Variants in COA1 observed in about 807,000 individuals in gnomAD.
COA1 encodes the protein cytochrome c oxidase assembly factor 1.
Under a neutral mutation model 16.0 loss-of-function variants are expected in COA1, and 13 were observed. That is an observed-to-expected ratio of 0.81 (90% CI 0.53 to 1.29). The LOEUF (loss-of-function observed/expected upper bound fraction) is 1.29, where lower values mean the gene tolerates loss of function less well. COA1 is among the 50% of genes most tolerant of loss of function. COA1 has a pLI of 0.00. For synonymous variants in COA1, 65 were observed against 65.7 expected (o/e 0.99, Z 0.05); for missense variants, 179 against 177.0 (o/e 1.01, Z -0.06).
chr7:43,630,154 G>A (rs1451910441), intron 6 of COA1, among the ~76,000 whole-genome samples: 1 of 152,040 alleles, frequency 6.6e-6, no homozygotes, highest in Non-Finnish European at 1.5e-5. Context: ...TTAGTATCTG[G>A]CCCTTTACAG....
At chr7:43,702,336 T>G (rs1167839297) in intron 1 of COA1, among the ~76,000 whole-genome samples, 7 of 152,174 alleles carry the variant, frequency 4.6e-5, no homozygotes, top group Non-Finnish European at 8.8e-5. Flanking sequence ...TCCAGCACTA[T>G]CTATTGAATA....
chr7:43,667,198 C>T (rs1584717760), intron 1 of COA1, among the ~76,000 whole-genome samples: 1 of 152,296 alleles, frequency 6.6e-6, no homozygotes, highest in Non-Finnish European at 1.5e-5. Context: ...TATTTCATAA[C>T]ATCAAATGTT....
At position 43,640,667 on chromosome 7, in the gene COA1, C is replaced by T. The variant is rs767175621; in HGVS notation, c.265-18G>A. The T allele has an allele frequency of 2.6e-6, 4 of 1,542,654 alleles. No individual in the cohort carries two copies. The South Asian group carries it at 4.6e-5, about 18-fold the overall frequency. On this transcript the variant is annotated intron_variant, in intron 4 of 5. Transcript: ENST00000223336. ...ATCTTCAACTGTGGGTGTAAAATGA[C>T]AGAAAGGAGAGATGTAATTGGATAA... is the stretch of plus-strand genomic sequence containing the variant.
intron 6 of COA1, among the ~76,000 whole-genome samples, chr7:43,616,679 C>T (rs1350120537): frequency 3.3e-5 from 5 of 152,094 alleles, no homozygotes; most frequent in Non-Finnish European, 7.4e-5. Flanking sequence ...GGGCGGATCA[C>T]GAGGTCAGGA....
chr7:43,625,352 GATA>G (rs971097049), intron 6 of COA1: 5 of 152,322 alleles, frequency 3.3e-5, no homozygotes, highest in African/African-American at 1.2e-4. Context: ...ACTAAAGTTT[GATA>G]ATGTCTTTTT....
At chr7:43,728,619 C>T (rs977021968) in intron 1 of COA1, among the ~76,000 whole-genome samples, 23 of 152,054 alleles carry the variant, frequency 1.5e-4, no homozygotes, top group Admixed American at 1.4e-3. Context: ...TGAAGTTAGG[C>T]TAAGAAATGT....
intron 6 of COA1, among the ~76,000 whole-genome samples, chr7:43,609,999 AG>A (rs1466656148): frequency 6.6e-6 from 1 of 152,226 alleles, no homozygotes; most frequent in African/African-American, 2.4e-5. Context: ...TTTCTGATTC[AG>A]GGTAGGGCAA....
chr7:43,650,687 C>G (rs929740909), intron 1 of COA1: 1 of 152,046 alleles, frequency 6.6e-6, no homozygotes, highest in Non-Finnish European at 1.5e-5. Flanking sequence ...CAGAGATTCT[C>G]TCGAGTGACT....
At chr7:43,691,337 G>A (rs1309490803) in intron 1 of COA1, among the ~76,000 whole-genome samples, 54 of 32,990 alleles carry the variant, frequency 1.6e-3, no homozygotes, top group African/African-American at 2.9e-3. Flanking sequence ...AAGAGAAAGA[G>A]AGAGAGGGAG....
chr7:43,644,731 T>C (rs1383487785), intron 4 of COA1, among the ~76,000 whole-genome samples: 5 of 28,220 alleles, frequency 1.8e-4, no homozygotes, highest in South Asian at 1.8e-3. Flanking sequence ...GATAGATAGA[T>C]AGATAGATAG....
At chr7:43,612,568 A>AT (rs1363758066) in intron 6 of COA1, among the ~76,000 whole-genome samples, 4 of 152,230 alleles carry the variant, frequency 2.6e-5, no homozygotes, top group Admixed American at 1.3e-4. Context: ...ATGTATGGTA[A>AT]TTTTGAATTA....
chr7:43,621,739 AG>A (rs2083912677), intron 6 of COA1, among the ~76,000 whole-genome samples: 1 of 152,210 alleles, frequency 6.6e-6, no homozygotes, highest in Non-Finnish European at 1.5e-5. Context: ...TTTTCTATCA[AG>A]AGCCTTTCCC....
chr7:43,676,072 A>G (rs2093503449), intron 1 of COA1, among the ~76,000 whole-genome samples: 1 of 152,174 alleles, frequency 6.6e-6, no homozygotes, highest in Non-Finnish European at 1.5e-5. Context: ...TAATAAAGAA[A>G]TCTCGTAAAA....
intron 1 of COA1, among the ~76,000 whole-genome samples, chr7:43,725,029 G>A (rs1473513014): frequency 4.6e-5 from 7 of 152,180 alleles, no homozygotes; most frequent in African/African-American, 1.4e-4. Context: ...ACCTGAGGTC[G>A]AGAGTTCAAG....
chr7:43,653,792 A>AT (rs1163892518), intron 1 of COA1, among the ~76,000 whole-genome samples: 1 of 152,238 alleles, frequency 6.6e-6, no homozygotes, highest in East Asian at 1.9e-4. Flanking sequence ...TACTCATCCC[A>AT]TGAAGACCAA....
At chr7:43,644,639 G>T (rs867963584) in intron 4 of COA1, among the ~76,000 whole-genome samples, 2 of 151,578 alleles carry the variant, frequency 1.3e-5, no homozygotes, top group African/African-American at 4.9e-5. Flanking sequence ...CGATCCTCCT[G>T]CTTCAGCCTC....
chr7:43,621,290 AAGTT>A, intron 6 of COA1, among the ~76,000 whole-genome samples: 1 of 152,318 alleles, frequency 6.6e-6, no homozygotes, highest in South Asian at 2.1e-4. Context: ...CATGACCACT[AAGTT>A]AGTTTTGGGG....
At chr7:43,705,250 G>C (rs2094925847) in intron 1 of COA1, among the ~76,000 whole-genome samples, 1 of 152,198 alleles carries the variant, frequency 6.6e-6, no homozygotes, top group African/African-American at 2.4e-5. Context: ...AACTCTGGTG[G>C]GGCAGCAATA....
At chr7:43,713,772 C>T (rs1318342620) in intron 1 of COA1, among the ~76,000 whole-genome samples, 2 of 152,156 alleles carry the variant, frequency 1.3e-5, no homozygotes, top group South Asian at 4.1e-4. Flanking sequence ...GGTGCACTGG[C>T]TCAGGCCTGT....
Sources: allele counts gnomAD v4.1 joint callset (sites outside exome capture counted in the v4.1 genomes callset), GRCh38; gene constraint gnomAD v4.1.1; transcripts MANE v1.5; gene names NCBI Gene and HGNC (gene_info 2026-07-23, HGNC 2026-07-21).